The following SLC30A8 variants were observed in gnomAD, a reference collection of about 807,000 sequenced individuals.
SLC30A8 encodes proton-coupled zinc antiporter SLC30A8.
Under a neutral mutation model 36.9 loss-of-function variants are expected in SLC30A8, and 27 were observed. The ratio of observed to expected loss-of-function variants is 0.73; its 90% CI spans 0.54 to 1.01. The LOEUF (loss-of-function observed/expected upper bound fraction) is 1.01, where lower values mean the gene tolerates loss of function less well. Among genes scored for constraint, SLC30A8 ranks in the 50% least tolerant of loss-of-function variants. SLC30A8 has a pLI of 0.00. For missense variants in SLC30A8, 439 were observed against 452.0 expected, an observed-to-expected ratio of 0.97 and a Z score of 0.26; for synonymous variants, 164 against 172.4, an observed-to-expected ratio of 0.95 and a Z score of 0.38.
At chr8:117,037,926 T>C (rs902519932) in intron 1 of SLC30A8, among the ~76,000 whole-genome samples, 1 of 152,298 alleles carries the variant, frequency 6.6e-6, no homozygotes, top group East Asian at 1.9e-4. Flanking sequence ...AAAACCAAAG[T>C]CTTCCTTTTG....
intron 2 of SLC30A8, among the ~76,000 whole-genome samples, chr8:117,075,312 G>C (rs1034613580): frequency 6.6e-6 from 1 of 152,136 alleles, no homozygotes; most frequent in Non-Finnish European, 1.5e-5. Context: ...TAACTGGGCA[G>C]AATCTCAAGT....
chr8:117,037,823 C>T (rs190640637), intron 1 of SLC30A8, among the ~76,000 whole-genome samples: 72 of 152,254 alleles, frequency 4.7e-4, no homozygotes, highest in African/African-American at 1.6e-3. Flanking sequence ...TCCGCAGATG[C>T]ATTCTGTGGT....
chr8:117,043,922 T>C (rs1817466806), intron 2 of SLC30A8, among the ~76,000 whole-genome samples: 1 of 152,252 alleles, frequency 6.6e-6, no homozygotes, highest in Non-Finnish European at 1.5e-5. Context: ...AACTTTAAGC[T>C]ACAGGCTATA....
At chr8:117,165,531 A>G (rs1823013657) in intron 6 of SLC30A8, among the ~76,000 whole-genome samples, 1 of 152,212 alleles carries the variant, frequency 6.6e-6, no homozygotes, top group Admixed American at 6.5e-5. Flanking sequence ...AGAACCATTC[A>G]GTAGTACTTG....
intron 2 of SLC30A8, among the ~76,000 whole-genome samples, chr8:117,059,667 T>C (rs1228641993): frequency 2.6e-5 from 4 of 152,198 alleles, no homozygotes; most frequent in African/African-American, 7.2e-5. Flanking sequence ...AGTTGGACGA[T>C]AGATCGTAGT....
At chr8:117,057,386 C>T (rs1019589634) in intron 2 of SLC30A8, among the ~76,000 whole-genome samples, 7 of 151,962 alleles carry the variant, frequency 4.6e-5, no homozygotes, top group Non-Finnish European at 7.4e-5. Context: ...TTCTTGGGTC[C>T]TATCATTACC....
intron 2 of SLC30A8, among the ~76,000 whole-genome samples, chr8:117,100,268 G>A (rs1028298619): frequency 1.3e-5 from 2 of 152,120 alleles, no homozygotes; most frequent in African/African-American, 4.8e-5. Context: ...AGGAAATAAA[G>A]GATGTAAGTT....
intron 1 of SLC30A8, among the ~76,000 whole-genome samples, chr8:117,011,693 G>T (rs1483734619): frequency 2.6e-5 from 4 of 152,114 alleles, no homozygotes; most frequent in South Asian, 2.1e-4. Flanking sequence ...GGTGATGTTG[G>T]ACCTCTTTGG....
chr8:117,108,127 G>T (rs2130872832), intron 2 of SLC30A8, among the ~76,000 whole-genome samples: 1 of 152,212 alleles, frequency 6.6e-6, no homozygotes, highest in African/African-American at 2.4e-5. Flanking sequence ...GGACACTACT[G>T]GGAGTAATTA....
intron 3 of SLC30A8, among the ~76,000 whole-genome samples, chr8:117,153,621 AGAG>A (rs1822307244): frequency 6.6e-6 from 1 of 151,010 alleles, no homozygotes; most frequent in Non-Finnish European, 1.5e-5. Context: ...AGGAGAAGGA[AGAG>A]GAGAAGATGA....
upstream of SLC30A8, chr8:117,130,207 A>T (rs1013699840): frequency 6.6e-6 from 1 of 151,954 alleles, no homozygotes; most frequent in Non-Finnish European, 1.5e-5. Context: ...CTGTCCCTTG[A>T]TGCATTTTGG....
chr8:117,030,404 A>G (rs1817005862), intron 1 of SLC30A8, among the ~76,000 whole-genome samples: 1 of 152,182 alleles, frequency 6.6e-6, no homozygotes, highest in African/African-American at 2.4e-5. Context: ...GGTTCCCATG[A>G]TCCAGTTAAC....
At chr8:116,969,505 A>G (rs376910188) in intron 1 of SLC30A8, among the ~76,000 whole-genome samples, 3 of 152,296 alleles carry the variant, frequency 2.0e-5, no homozygotes, top group African/African-American at 7.2e-5. Context: ...GTATTTATCT[A>G]TATGTACAGG....
chr8:117,116,870 A>G (rs1050649772), intron 2 of SLC30A8, among the ~76,000 whole-genome samples: 3 of 152,044 alleles, frequency 2.0e-5, no homozygotes, highest in Admixed American at 6.6e-5. Flanking sequence ...AGTGAATGCA[A>G]GTATGAGTCA....
intron 3 of SLC30A8, 85 bp downstream of exon 3, chr8:117,153,175 C>G: frequency 7.2e-7 from 1 of 1,385,580 alleles, no homozygotes; most frequent in Non-Finnish European, 9.6e-7. Context: ...GAAGCAAAGC[C>G]TTGTTGGAAA....
At chr8:117,078,478 CT>C (rs1318480873) in intron 2 of SLC30A8, among the ~76,000 whole-genome samples, 8 of 150,116 alleles carry the variant, frequency 5.3e-5, no homozygotes, top group Non-Finnish European at 8.9e-5. Flanking sequence ...TTTTTTTTTT[CT>C]TTTTTTCCCC....
chr8:116,964,285 C>T (rs1374645411), intron 1 of SLC30A8, among the ~76,000 whole-genome samples: 2 of 152,288 alleles, frequency 1.3e-5, no homozygotes, highest in Non-Finnish European at 2.9e-5. Context: ...ATTAATTTAT[C>T]TCTATTCAGA....
In SLC30A8 at chr8:117,045,332, T is replaced by C. The variant is rs182450679; in HGVS notation, c.-226+6074T>C. The stretch of plus-strand genomic sequence containing the variant: ...CCTCACCAGGCTTCCATTTCATCGT[T>C]CCCCCACCGTACTTGAAAGGTTTTT... On this transcript the variant is annotated intron_variant, in intron 2 of 10. Coordinates refer to the SLC30A8 transcript ENST00000427715. Among the ~76,000 whole-genome samples the C allele has an allele frequency of 1.3e-3, 199 of 151,796 alleles. 1 individual carries two copies. Among genetic ancestry groups the C allele is most frequent in the African/African-American group, 4.6e-3 (189 of 41,260 alleles).
At chr8:117,109,958 G>A (rs376217440) in intron 2 of SLC30A8, among the ~76,000 whole-genome samples, 20 of 152,112 alleles carry the variant, frequency 1.3e-4, no homozygotes, top group Admixed American at 2.6e-4. Flanking sequence ...TTAGAATTAC[G>A]CTTTCTTTAT....
Sources: allele counts gnomAD v4.1 joint callset (sites outside exome capture counted in the v4.1 genomes callset), GRCh38; gene constraint gnomAD v4.1.1; transcripts MANE v1.5; gene names NCBI Gene and HGNC (gene_info 2026-07-23, HGNC 2026-07-21).